Variants in USP26 observed in about 807,000 individuals in gnomAD.
The protein encoded by USP26 is ubiquitin carboxyl-terminal hydrolase 26.
For synonymous variants in USP26, 236 were observed against 240.6 expected (o/e 0.98, Z 0.18); for missense variants, 649 against 642.3 (o/e 1.01, Z -0.11).
chrX:133,041,877 G>A (rs974365740), intron 5 of USP26, among the ~76,000 whole-genome samples: 1 of 112,281 alleles, frequency 8.9e-6, no homozygotes, highest in African/African-American at 3.2e-5. Context: ...CCTCCGACTG[G>A]GGCTGCTTCC....
intron 5 of USP26, among the ~76,000 whole-genome samples, chrX:133,043,123 A>C (rs899350430): frequency 9.8e-5 from 11 of 111,696 alleles, no homozygotes; most frequent in Non-Finnish European, 2.1e-4. Context: ...GAAAGTAGTC[A>C]AATTGAAGGG....
At chrX:133,028,886 T>C (rs992639631) in intron 5 of USP26, among the ~76,000 whole-genome samples, 1 of 111,945 alleles carries the variant, frequency 8.9e-6, no homozygotes, top group Admixed American at 9.5e-5. Context: ...TCTAGCTATG[T>C]TCCTATATTT....
At chrX:133,087,588 A>G (rs1157334055) in intron 4 of USP26, among the ~76,000 whole-genome samples, 1 of 112,375 alleles carries the variant, frequency 8.9e-6, no homozygotes, top group African/African-American at 3.2e-5. Flanking sequence ...TGTTAAACAA[A>G]AAGCATACCA....
At chrX:133,073,253 C>A (rs1266738126) in intron 5 of USP26, among the ~76,000 whole-genome samples, 1 of 104,737 alleles carries the variant, frequency 9.5e-6, no homozygotes, top group Non-Finnish European at 1.9e-5. Flanking sequence ...TCAATCTACT[C>A]TATTAATATA....
chrX:133,044,878 A>G (rs986577479), intron 5 of USP26, among the ~76,000 whole-genome samples: 2 of 113,305 alleles, frequency 1.8e-5, no homozygotes, highest in Non-Finnish European at 3.7e-5. Flanking sequence ...CTTTATGTCC[A>G]GCTAAGGGAT....
chrX:133,043,688 T>C (rs747399181), intron 5 of USP26, among the ~76,000 whole-genome samples: 3 of 111,697 alleles, frequency 2.7e-5, no homozygotes, highest in Non-Finnish European at 5.6e-5. Context: ...GGAGAATCAC[T>C]TGAGCCCAGG....
At chrX:133,088,466 G>T (rs1352029376) in intron 4 of USP26, among the ~76,000 whole-genome samples, 1 of 111,337 alleles carries the variant, frequency 9.0e-6, no homozygotes, top group African/African-American at 3.3e-5. Context: ...AGCTCAGGTG[G>T]TAATGTTTGC....
chrX:133,070,004 C>A (rs1371253908), intron 5 of USP26, among the ~76,000 whole-genome samples: 5 of 111,529 alleles, frequency 4.5e-5, no homozygotes, highest in Non-Finnish European at 9.4e-5. Context: ...AAGCAACGAA[C>A]AGAGAACTTA....
chrX:133,041,773 C>G (rs1353699289), intron 5 of USP26, among the ~76,000 whole-genome samples: 2 of 112,267 alleles, frequency 1.8e-5, no homozygotes, highest in African/African-American at 6.5e-5. Context: ...TCAGAGCCGG[C>G]AGGCAGGAAG....
chrX:133,042,229 G>A (rs1015213021), intron 5 of USP26, among the ~76,000 whole-genome samples: 5 of 111,105 alleles, frequency 4.5e-5, no homozygotes, highest in South Asian at 3.9e-4. Context: ...GTTCTGTCTC[G>A]CTGGGGTTCC....
At chrX:133,034,869 A>AG (rs1214164376) in intron 5 of USP26, among the ~76,000 whole-genome samples, 4 of 111,596 alleles carry the variant, frequency 3.6e-5, no homozygotes, top group African/African-American at 1.3e-4. Flanking sequence ...ACAAAAAAAA[A>AG]AAATATTTAA....
chrX:133,043,207 A>G (rs1255023240), intron 5 of USP26, among the ~76,000 whole-genome samples: 1 of 111,991 alleles, frequency 8.9e-6, no homozygotes, highest in African/African-American at 3.2e-5. Context: ...CTGTACAGGG[A>G]TTCACTTGCT....
At chrX:133,095,767 T>G (rs955451859) in intron 1 of USP26, among the ~76,000 whole-genome samples, 4 of 111,396 alleles carry the variant, frequency 3.6e-5, no homozygotes, top group Non-Finnish European at 7.5e-5. Flanking sequence ...TATTTTGAGA[T>G]GTAGTCTCAC....
At chrX:133,035,211 T>A (rs2067392028) in intron 5 of USP26, among the ~76,000 whole-genome samples, 1 of 112,201 alleles carries the variant, frequency 8.9e-6, no homozygotes, top group Admixed American at 9.5e-5. Context: ...TTCTACTCCC[T>A]CTATTTGGAG....
chrX:133,060,650 A>G (rs375769583), intron 5 of USP26, among the ~76,000 whole-genome samples: 58 of 112,093 alleles, frequency 5.2e-4, no homozygotes, highest in South Asian at 4.0e-3. Context: ...TTAAAGTTGC[A>G]TTAATTCATG....
intron 5 of USP26, among the ~76,000 whole-genome samples, chrX:133,057,866 A>ATATATATATAT (rs1412413450): frequency 2.1e-4 from 2 of 9,334 alleles, no homozygotes; most frequent in African/African-American, 1.3e-3. Context: ...ATATATATAT[A>ATATATATATAT]TTTTTTTTTT....
rs770377212 is a variant in USP26 at position 133,026,955 on chromosome X, A to G, written c.1266T>C (p.Ala422=). The G allele has an allele frequency of 1.7e-6, 2 of 1,211,497 alleles. No homozygotes were observed. The highest frequency in any genetic ancestry group is 3.0e-5 in the East Asian group (1 of 33,833). Residue 422 remains alanine, a synonymous_variant, in exon 6 of 6, where the codon GCT becomes GCC. Coordinates refer to ENST00000511190, the MANE Select transcript of USP26 (RefSeq NM_031907.3). ...AAAACCCACTGGTGTCAGGATCATC[A>G]GCAAAAACCTGTTTAGGAAAATTAT... The part of the protein sequence containing the change: ...GEDNFPKQVF[A]DDPDTSGFSC...
At chrX:133,051,721 G>C (rs1377258960) in intron 5 of USP26, among the ~76,000 whole-genome samples, 2 of 112,279 alleles carry the variant, frequency 1.8e-5, no homozygotes, top group Non-Finnish European at 3.8e-5. Flanking sequence ...TGATATGACA[G>C]TTAAACAAAC....
intron 1 of USP26, among the ~76,000 whole-genome samples, chrX:133,092,926 T>A: frequency 9.0e-6 from 1 of 111,529 alleles, no homozygotes; most frequent in South Asian, 3.8e-4. Flanking sequence ...GTCATTCAGA[T>A]GCTAGATAAT....
Sources: allele counts gnomAD v4.1 joint callset (sites outside exome capture counted in the v4.1 genomes callset), GRCh38; gene constraint gnomAD v4.1.1; transcripts MANE v1.5; gene names NCBI Gene and HGNC (gene_info 2026-07-23, HGNC 2026-07-21).